The following PRRC2A variants were observed in gnomAD, a reference collection of about 807,000 sequenced individuals.
The protein encoded by PRRC2A is protein PRRC2A.
In PRRC2A, 59 loss-of-function variants were observed where a neutral mutation model predicts 224.6. The observed-to-expected ratio is 0.26, with a 90% CI of 0.21 to 0.33. The LOEUF (loss-of-function observed/expected upper bound fraction) is 0.33, where lower values mean the gene tolerates loss of function less well. Ranked by LOEUF, PRRC2A falls within the 10% of genes least tolerant of loss-of-function variation. The probability of loss-of-function intolerance (pLI) is 1.00; values close to 1 mark genes in which losing one functional copy is unlikely to be tolerated. For synonymous variants in PRRC2A, 1,194 were observed against 1,109.5 expected, an observed-to-expected ratio of 1.08 and a Z score of -1.51; for missense variants, 3,095 against 2,880.7, an observed-to-expected ratio of 1.07 and a Z score of -1.70.
intron 2 of PRRC2A, chr6:31,623,191 G>A (rs776524452): frequency 5.8e-6 from 4 of 688,532 alleles, no homozygotes. Flanking sequence ...GCAGGCTCAT[G>A]ATCAACCAAT....
rs775348522 is a variant in PRRC2A at position 31,624,317 on chromosome 6, C to T, written c.347C>T (p.Thr116Met). ...TCGCAGCCACTGCCGGCTTCACAGA[C>T]GCCTGCCTCCAACCAGCCGAAACGA... ...PESQPLPASQ[T>M]PASNQPKRPP... The change falls in exon 4 of 31, where the codon ACG becomes ATG. Residue 116 changes from threonine to methionine, a missense_variant. Thr to Met is a moderately conservative substitution (Grantham distance 81). This residue lies in a region of PRRC2A where 52 missense variants were observed against 77.9 expected (regional missense o/e 0.67). Coordinates refer to ENST00000376033, the MANE Select transcript of PRRC2A (RefSeq NM_004638.4). 9.3e-6 allele frequency: 15 copies of T among 1,613,922 alleles called. No individual in the cohort carries two copies. In the Admixed American group the frequency reaches 1.7e-4, roughly 18 times the overall value.
In PRRC2A at chr6:31,637,521, T is replaced by C; in HGVS notation, c.6409T>C (p.Ser2137Pro). ...RTGPPPREGP[S>P]RRAEEPGSRG... is the part of the protein sequence containing the mutation. ...AGGGCCGCCACCTCGAGAAGGGCCC[T>C]CCCGACGGGCAGAGGAGCCTGGGTC... Residue 2137 changes from serine (S) to proline (P), a missense_variant, in exon 31 of 31, where the codon TCC becomes CCC. By Grantham distance (74) the Ser-to-Pro change is moderately conservative. Coordinates refer to ENST00000376033, the MANE Select transcript of PRRC2A (RefSeq NM_004638.4). The C allele has an allele frequency of 6.3e-7, 1 of 1,584,356 alleles. No homozygotes were observed. The highest frequency in any genetic ancestry group is 8.6e-7 in the Non-Finnish European group (1 of 1,165,526).
chr6:31,635,624 G>A lies in PRRC2A; in HGVS notation c.5416G>A (p.Ala1806Thr). Residue 1806 changes from alanine to threonine, a missense_variant, in exon 24 of 31, where the codon GCT becomes ACT. Physicochemically the swap from Ala to Thr is moderately conservative, Grantham distance 58. Coordinates refer to ENST00000376033, the MANE Select transcript of PRRC2A (RefSeq NM_004638.4). ...AGACTGGGAGCTGCTTCCCAGTGCT[G>A]CTGCCTCTGCTGAGCCACAATCCAA... ...SRDWELLPSAAASAEPQSKNL... is the reference protein window; with the variant it reads ...SRDWELLPSATASAEPQSKNL... 6.2e-7 allele frequency: 1 copy of A among 1,612,482 alleles called. No individual in the cohort carries two copies. The highest frequency in any genetic ancestry group is 1.3e-5 in the African/African-American group (1 of 75,032).
Position 31,636,631 on chromosome 6 carries a change from C to G in PRRC2A, c.5934+23C>G. ...CAGGTATATTGTATCTTCACACTTC[C>G]CCTTCATTTGATTTCTCTGTCCAGT... On this transcript the variant is annotated intron_variant, in intron 27 of 30. Transcript: ENST00000376033. This position sits in a 1 kb window ranked among gnomAD's most constrained non-coding sequence, Gnocchi z 4.3. 2 of 1,588,490 alleles carry G rather than the reference C, an allele frequency of 1.3e-6. No individual in the cohort carries two copies. Among genetic ancestry groups the G allele is most frequent in the Non-Finnish European group, 1.7e-6 (2 of 1,163,584 alleles).
chr6:31,626,566 AAAAAG>A (rs1029972045), intron 9 of PRRC2A, among the ~76,000 whole-genome samples: 6 of 151,956 alleles, frequency 3.9e-5, no homozygotes, highest in African/African-American at 1.5e-4. Flanking sequence ...AGGAAAAAAA[AAAAAG>A]AGTAGGGGAG....
intron 14 of PRRC2A, 79 bp from the exon 15 acceptor site, chr6:31,630,511 AC>A: frequency 6.8e-7 from 1 of 1,460,906 alleles, no homozygotes; most frequent in East Asian, 2.3e-5. Context: ...AGCTGACTTG[AC>A]CGCGAGGGGA....
chr6:31,629,539 C>T lies in PRRC2A; in HGVS notation c.1957-9C>T, dbSNP rs530044808. 1.3e-6 allele frequency: 2 copies of T among 1,528,948 alleles called. No homozygotes were observed. The highest frequency in any genetic ancestry group is 1.1e-5 in the South Asian group (1 of 89,526). 94.7% of individuals were successfully genotyped at this position (1,528,948 alleles called of 1,614,324 possible). On this transcript the variant is annotated splice_polypyrimidine_tract_variant and intron_variant, in intron 13 of 30. Transcript: ENST00000376033. ...AGCCTCTCTCATCTTGTCTTTCCTCCTTTCCTAGGAGCAGCTCCTGAAGCA... is the reference window on the plus strand; with the variant it reads ...AGCCTCTCTCATCTTGTCTTTCCTCTTTTCCTAGGAGCAGCTCCTGAAGCA...
chr6:31,630,882 A>G, intron 15 of PRRC2A, 81 bp downstream of exon 15: 1 of 1,504,804 alleles, frequency 6.6e-7, no homozygotes, highest in South Asian at 1.2e-5. Context: ...GGTTAGTGGT[A>G]GGGATAGGGA....
chr6:31,629,100 C>G, intron 12 of PRRC2A, 44 bp from the exon 13 acceptor site: 3 of 1,591,226 alleles, frequency 1.9e-6, no homozygotes, highest in South Asian at 1.1e-5. Flanking sequence ...CATGGAGTGT[C>G]TATTGTTGGA....
rs1192135280 is a variant in PRRC2A at position 31,633,543 on chromosome 6, G to A, written c.4484G>A (p.Gly1495Asp). The A allele has an allele frequency of 4.3e-6, 7 of 1,612,894 alleles. No homozygotes were observed. In the Admixed American group the frequency reaches 5.0e-5, roughly 12 times the overall value. The change falls in exon 17 of 31, where the codon GGT becomes GAT. Residue 1495 changes from glycine to aspartate, a missense_variant. Physicochemically the swap from Gly to Asp is moderately conservative, Grantham distance 94. This residue lies in a region of PRRC2A where 2,001 missense variants were observed against 1,764.9 expected (regional missense o/e 1.13). Coordinates refer to ENST00000376033, the MANE Select transcript of PRRC2A (RefSeq NM_004638.4). ...SRQGSVTAPG[G>D]HPRHKPGLPQ... ...CAAGGGAGTGTAACTGCACCAGGGG[G>A]TCATCCAAGGCACAAGCCTGGGCTT...
At chr6:31,628,574 TG>T in intron 12 of PRRC2A, 1 of 370,054 alleles carries the variant, frequency 2.7e-6, no homozygotes, top group Non-Finnish European at 4.8e-6. Flanking sequence ...CCAGGCATGG[TG>T]GCTCACACTT....
In PRRC2A at chr6:31,635,600, G is replaced by T. The variant is rs774137413; in HGVS notation, c.5392G>T (p.Asp1798Tyr). Residue 1798 changes from aspartate to tyrosine, a missense_variant, in exon 24 of 31, where the codon GAC becomes TAC. By Grantham distance (160) the Asp-to-Tyr change is radical (BLOSUM62 -3). This residue lies in a region of PRRC2A where 662 missense variants were observed against 609.5 expected (regional missense o/e 1.09). Transcript: ENST00000376033. ...TTCCCAGGCCATTCCTGTATCACGA[G>T]ACTGGGAGCTGCTTCCCAGTGCTGC... Reference protein sequence around the residue: ...SVTEAIPVSRDWELLPSAAAS... With the variant: ...SVTEAIPVSRYWELLPSAAAS... 12 of 1,611,134 alleles carry T rather than the reference G, an allele frequency of 7.4e-6. No homozygotes were observed. Among genetic ancestry groups the T allele is most frequent in the Non-Finnish European group, 1.0e-5 (12 of 1,178,856 alleles).
rs1258934863 is a variant in PRRC2A at position 31,631,707 on chromosome 6, G to C, written c.3034G>C (p.Asp1012His). Residue 1012 changes from aspartate to histidine, a missense_variant, in exon 16 of 31, where the codon GAC becomes CAC. By Grantham distance (81) the Asp-to-His change is moderately conservative. Transcript: ENST00000376033. This position sits in a 1 kb window ranked among gnomAD's most constrained non-coding sequence, Gnocchi z 4.5. ...TTCCCCTGCCCCAAGGCTTCGGAGG[G>C]ACTATTCGTATGAAAGAGTGGGTCC... is the stretch of plus-strand genomic sequence containing the variant. ...NLSPAPRLRR[D>H]YSYERVGPTS... 1.3e-6 allele frequency: 2 copies of C among 1,518,408 alleles called. No individual in the cohort carries two copies. The highest frequency in any genetic ancestry group is 1.8e-6 in the Non-Finnish European group (2 of 1,134,488). 94.1% of individuals were successfully genotyped at this position (1,518,408 alleles called of 1,614,324 possible). A position where few individuals can be genotyped will look rare whatever the true frequency, so the allele number is the denominator to read the frequency against.
chr6:31,631,600 C>T lies in PRRC2A; in HGVS notation c.2927C>T (p.Pro976Leu), dbSNP rs770964122. The T allele has an allele frequency of 1.3e-6, 2 of 1,546,264 alleles. No individual in the cohort carries two copies. Among genetic ancestry groups the T allele is most frequent in the South Asian group, 1.2e-5 (1 of 80,088 alleles). ...PKPLEQGDET[P>L]KPPKPDPLKI... ...CCCCTCGAACAGGGGGATGAAACCC[C>T]CAAACCCCCAAAGCCAGACCCACTC... Residue 976 changes from proline (P) to leucine (L), a missense_variant, in exon 16 of 31, where the codon CCC becomes CTC. This residue lies in a region of PRRC2A where 2,001 missense variants were observed against 1,764.9 expected (regional missense o/e 1.13). Coordinates refer to ENST00000376033, the MANE Select transcript of PRRC2A (RefSeq NM_004638.4). The surrounding 1 kb of genome is among the most constrained non-coding windows in gnomAD (Gnocchi z 4.5).
rs115932182 is a variant in PRRC2A, at chr6:31,634,479, C to A, written c.4857C>A (p.Ser1619Arg). The change falls in exon 20 of 31, where the codon AGC becomes AGA. Residue 1619 changes from serine to arginine, a missense_variant. By Grantham distance (110) the Ser-to-Arg change is moderately radical. Transcript: ENST00000376033. ...HIWNRLHTAT[S>R]RKSYRPSSME... The stretch of plus-strand genomic sequence containing the variant: ...TGGTGCTCCCTTCTCCAGCCACTAG[C>A]CGAAAGAGTTACCGGCCCAGCTCCA... 13 of 1,612,942 alleles carry A rather than the reference C, an allele frequency of 8.1e-6. No individual in the cohort carries two copies. The highest frequency in any genetic ancestry group is 1.3e-5 in the African/African-American group (1 of 75,030).
Position 31,629,316 on chromosome 6 carries a change from T to G in PRRC2A, c.1938T>G (p.Arg646=). 1.3e-6 allele frequency: 2 copies of G among 1,568,440 alleles called. No individual in the cohort carries two copies. Among genetic ancestry groups the G allele is most frequent in the Non-Finnish European group, 1.7e-6 (2 of 1,158,018 alleles). ...YPKYQKSLPP[R]FQRQQQEQLL... ...AATATCAGAAGTCGTTGCCTCCTCG[T>G]TTCCAGCGGCAGCAGCAGGTGAAAT... Residue 646 remains arginine (R), a synonymous_variant, in exon 13 of 31, where the codon CGT becomes CGG. Coordinates refer to ENST00000376033, the MANE Select transcript of PRRC2A (RefSeq NM_004638.4).
chr6:31,635,857 A>T, intron 24 of PRRC2A, 108 bp downstream of exon 24: 1 of 1,447,004 alleles, frequency 6.9e-7, no homozygotes, highest in Non-Finnish European at 9.3e-7. Context: ...GTGAGATACC[A>T]CTTTGTCACA....
intron 16 of PRRC2A, 51 bp downstream of exon 16, chr6:31,633,043 A>G (rs2736157): frequency 0.18 from 259,818 of 1,450,738 alleles, 24,793 homozygotes; most frequent in African/African-American, 0.2. Flanking sequence ...GAGGAGGGGG[A>G]AAAAGCCTGA....
chr6:31,629,885 C>T (rs1776346160), intron 14 of PRRC2A, 40 bp downstream of exon 14: 4 of 1,608,430 alleles, frequency 2.5e-6, no homozygotes, highest in Admixed American at 1.7e-5. Flanking sequence ...GGAAAGTCCC[C>T]TCAGTCTTAG....
Sources: gnomAD v4.1 joint callset for allele counts (sites outside exome capture counted in the v4.1 genomes callset) on GRCh38, gnomAD v4.1.1 for gene constraint, gnomAD v4.1.1 regional missense constraint, Gnocchi (gnomAD v3.1) non-coding constraint, MANE v1.5 for transcripts, NCBI Gene and HGNC (gene_info 2026-07-23, HGNC 2026-07-21) for gene names.